Variants in GMDS observed in about 807,000 individuals in gnomAD.
GMDS encodes GDP-mannose 4,6-dehydratase, also known as GDP-mannose 4,6 dehydratase.
A neutral mutation model predicts 49.9 loss-of-function variants in GMDS; 20 were observed. The observed-to-expected ratio is 0.40, with a 90% CI of 0.28 to 0.58. The LOEUF is 0.58. Ranked by LOEUF, GMDS falls within the 20% of genes least tolerant of loss-of-function variation. GMDS has a pLI of 0.42. For synonymous variants in GMDS, 177 were observed against 178.6 expected (o/e 0.99, Z 0.07); for missense variants, 362 against 481.4 (o/e 0.75, Z 2.32).
intron 9 of GMDS, among the ~76,000 whole-genome samples, chr6:1,641,242 C>T (rs1031021628): frequency 6.6e-6 from 1 of 152,180 alleles, no homozygotes; most frequent in Non-Finnish European, 1.5e-5. Context: ...CATTCCTGTG[C>T]ACCCTGGAGG....
chr6:2,144,124 G>T (rs3778559), intron 1 of GMDS, among the ~76,000 whole-genome samples: 6,189 of 152,304 alleles, frequency 0.041, 254 homozygotes, highest in South Asian at 0.13. Flanking sequence ...TTTAGGGAGG[G>T]TCCCATAATT....
chr6:1,817,363 T>C (rs768548144), intron 7 of GMDS, among the ~76,000 whole-genome samples: 2 of 152,214 alleles, frequency 1.3e-5, no homozygotes, highest in Non-Finnish European at 2.9e-5. Flanking sequence ...CCACGTATAA[T>C]AACATGTTAT....
At chr6:1,670,449 A>T (rs1561715258) in intron 9 of GMDS, among the ~76,000 whole-genome samples, 1 of 151,330 alleles carries the variant, frequency 6.6e-6, no homozygotes, top group Admixed American at 6.6e-5. Context: ...CACATGCTGG[A>T]ATGTGGAATT....
intron 1 of GMDS, among the ~76,000 whole-genome samples, chr6:2,218,830 G>C (rs1396572055): frequency 6.6e-6 from 1 of 152,120 alleles, no homozygotes; most frequent in Non-Finnish European, 1.5e-5. Flanking sequence ...ATGAAACTGA[G>C]GTTTGTAGAG....
chr6:1,797,250 G>A (rs936615704), intron 7 of GMDS, among the ~76,000 whole-genome samples: 2 of 152,196 alleles, frequency 1.3e-5, no homozygotes, highest in African/African-American at 4.8e-5. Flanking sequence ...AGGTGAAACA[G>A]TTTTGTCATG....
intron 9 of GMDS, among the ~76,000 whole-genome samples, chr6:1,704,094 C>A (rs994693096): frequency 6.6e-6 from 1 of 152,110 alleles, no homozygotes; most frequent in Non-Finnish European, 1.5e-5. Flanking sequence ...CAAGACAAGA[C>A]CTCGTTCTTG....
intron 8 of GMDS, among the ~76,000 whole-genome samples, chr6:1,741,811 CAAAAAAA>C (rs758949708): frequency 4.3e-5 from 1 of 23,054 alleles, no homozygotes; most frequent in Non-Finnish European, 9.6e-5. Context: ...GACTCTGTCT[CAAAAAAA>C]AAAAAAAAAA....
intron 9 of GMDS, among the ~76,000 whole-genome samples, chr6:1,670,844 A>T (rs1290915411): frequency 1.3e-5 from 2 of 152,178 alleles, no homozygotes; most frequent in African/African-American, 4.8e-5. Context: ...GTACGTTTTT[A>T]AAAAATGCAT....
chr6:1,901,574 A>C (rs976314698), intron 7 of GMDS, among the ~76,000 whole-genome samples: 3 of 152,216 alleles, frequency 2.0e-5, no homozygotes, highest in Non-Finnish European at 2.9e-5. Flanking sequence ...AAATACAAAG[A>C]GTTAACACAT....
intron 1 of GMDS, among the ~76,000 whole-genome samples, chr6:2,207,808 A>G (rs878881408): frequency 6.6e-6 from 1 of 151,958 alleles, no homozygotes; most frequent in Non-Finnish European, 1.5e-5. Context: ...GGAAGACTGT[A>G]AGGTTAACAT....
intron 4 of GMDS, among the ~76,000 whole-genome samples, chr6:1,975,961 T>A (rs1223520571): frequency 1.3e-5 from 2 of 152,132 alleles, no homozygotes; most frequent in Admixed American, 6.5e-5. Flanking sequence ...GTAACCACAC[T>A]TTGAGATGGT....
At chr6:2,046,867 A>C (rs887562763) in intron 4 of GMDS, among the ~76,000 whole-genome samples, 3 of 152,146 alleles carry the variant, frequency 2.0e-5, no homozygotes, top group African/African-American at 7.2e-5. Flanking sequence ...CATTTTTCAA[A>C]CTGTTGGGGG....
At chr6:1,776,305 G>C (rs1299933248) in intron 7 of GMDS, among the ~76,000 whole-genome samples, 1 of 152,184 alleles carries the variant, frequency 6.6e-6, no homozygotes. Flanking sequence ...TTTCATTTAA[G>C]ATTTCGTTAA....
At position 2,046,884 on chromosome 6, in the gene GMDS, T is replaced by C. The variant is rs186040521; in HGVS notation, c.345+68887A>G. On this transcript the variant is annotated intron_variant, in intron 4 of 10. Coordinates refer to ENST00000380815, the MANE Select transcript of GMDS (RefSeq NM_001500.4). ...TTTTTCAAACTGTTGGGGGCAGCGATAAAGAAATATGGGCAGTGATTGGAA... is the reference window on the plus strand; with the variant it reads ...TTTTTCAAACTGTTGGGGGCAGCGACAAAGAAATATGGGCAGTGATTGGAA... Among the ~76,000 whole-genome samples the C allele has an allele frequency of 2.6e-3, 392 of 152,296 alleles. 2 individuals carry two copies. The highest frequency in any genetic ancestry group is 9.2e-3 in the African/African-American group (383 of 41,560).
chr6:2,001,941 C>T (rs1173917648), intron 4 of GMDS, among the ~76,000 whole-genome samples: 1 of 152,130 alleles, frequency 6.6e-6, no homozygotes, highest in East Asian at 1.9e-4. Flanking sequence ...TAAATACATT[C>T]ACTATTTGCC....
intron 7 of GMDS, among the ~76,000 whole-genome samples, chr6:1,865,757 C>T (rs1758412564): frequency 6.6e-6 from 1 of 152,166 alleles, no homozygotes; most frequent in Non-Finnish European, 1.5e-5. Context: ...TCTGCAGAGG[C>T]TTGGGCTCCT....
intron 1 of GMDS, among the ~76,000 whole-genome samples, chr6:2,138,468 A>G (rs578201200): frequency 5.2e-4 from 79 of 152,316 alleles, no homozygotes; most frequent in Non-Finnish European, 7.9e-4. Context: ...TTACAGGCTC[A>G]TACTCTGTTA....
chr6:2,000,615 T>C (rs1766751343), intron 4 of GMDS, among the ~76,000 whole-genome samples: 1 of 152,192 alleles, frequency 6.6e-6, no homozygotes. Flanking sequence ...CTTTATTACC[T>C]TAAAAAGAAA....
chr6:2,082,765 T>A (rs560650908), intron 4 of GMDS, among the ~76,000 whole-genome samples: 20 of 152,360 alleles, frequency 1.3e-4, no homozygotes, highest in Admixed American at 5.9e-4. Context: ...TCAACATGTG[T>A]CTGTGCTATA....
Sources: gnomAD v4.1 joint callset for allele counts (sites outside exome capture counted in the v4.1 genomes callset) on GRCh38, gnomAD v4.1.1 for gene constraint, MANE v1.5 for transcripts, NCBI Gene and HGNC (gene_info 2026-07-23, HGNC 2026-07-21) for gene names.